RORA: variants seen among roughly 807,000 people sequenced by gnomAD.
RORA encodes the protein RAR related orphan receptor A.
A neutral mutation model predicts 69.5 loss-of-function variants in RORA; 7 were observed. The ratio of observed to expected loss-of-function variants is 0.10; its 90% CI spans 0.06 to 0.19. The LOEUF (loss-of-function observed/expected upper bound fraction) is 0.19. Among genes scored for constraint, RORA ranks in the 10% least tolerant of loss-of-function variants. The pLI is 1.00. For synonymous variants in RORA, 261 were observed against 240.8 expected (o/e 1.08, Z -0.78); for missense variants, 457 against 663.0 (o/e 0.69, Z 3.41).
At chr15:61,062,095 A>G (rs540042617) in intron 1 of RORA, among the ~76,000 whole-genome samples, 1 of 152,260 alleles carries the variant, frequency 6.6e-6, no homozygotes, top group East Asian at 1.9e-4. Flanking sequence ...TAGAAATACT[A>G]TAGGTAAAGA....
chr15:61,150,588 C>A (rs1259607484), intron 1 of RORA, among the ~76,000 whole-genome samples: 1 of 152,160 alleles, frequency 6.6e-6, no homozygotes, highest in African/African-American at 2.4e-5. Flanking sequence ...CAAAAAGGCT[C>A]TTGCTTATAT....
chr15:60,579,412 A>C (rs187106002), intron 2 of RORA, among the ~76,000 whole-genome samples: 1 of 152,178 alleles, frequency 6.6e-6, no homozygotes, highest in East Asian at 1.9e-4. Context: ...GGTTCACGTA[A>C]AGAAGATTTA....
intron 1 of RORA, among the ~76,000 whole-genome samples, chr15:61,137,103 A>AAAGAAAGAAAG (rs1567006753): frequency 1.4e-5 from 2 of 142,544 alleles, no homozygotes; most frequent in African/African-American, 2.6e-5. Flanking sequence ...AAGAAAGAAA[A>AAAGAAAGAAAG]AAGCAAGGGT....
intron 2 of RORA, among the ~76,000 whole-genome samples, chr15:60,660,789 T>C (rs1194046794): frequency 6.6e-6 from 1 of 152,158 alleles, no homozygotes; most frequent in Non-Finnish European, 1.5e-5. Flanking sequence ...AACCAAGCCC[T>C]ACATCTGGGC....
At chr15:60,700,665 T>C (rs2070969514) in intron 1 of RORA, among the ~76,000 whole-genome samples, 1 of 152,174 alleles carries the variant, frequency 6.6e-6, no homozygotes, top group Admixed American at 6.5e-5. Flanking sequence ...GGAAGTTACT[T>C]AATGAAGAAA....
intron 1 of RORA, among the ~76,000 whole-genome samples, chr15:60,843,136 A>G (rs969614868): frequency 1.3e-5 from 2 of 152,208 alleles, no homozygotes; most frequent in Non-Finnish European, 1.5e-5. Context: ...GTTCTGCTGC[A>G]AGGAAATGGA....
At chr15:60,610,018 G>A (rs372438806) in intron 2 of RORA, among the ~76,000 whole-genome samples, 6 of 152,132 alleles carry the variant, frequency 3.9e-5, no homozygotes, top group African/African-American at 9.7e-5. Flanking sequence ...CGAGAGAGCC[G>A]TTTGAAGCTG....
chr15:60,637,440 C>G (rs75619968), intron 2 of RORA, among the ~76,000 whole-genome samples: 1,618 of 152,032 alleles, frequency 0.011, 28 homozygotes, highest in African/African-American at 0.037. Flanking sequence ...TTATTTTTCT[C>G]TATATTTCAA....
At position 61,068,034 on chromosome 15, in the gene RORA, G is replaced by GA. The variant is rs1247513216; in HGVS notation, c.166+161018dup. 1.3e-4 allele frequency among the ~76,000 whole-genome samples: 20 copies of GA among 152,196 alleles called. 1 individual carries two copies. Among genetic ancestry groups the GA allele is most frequent in the African/African-American group, 4.8e-4 (20 of 41,440 alleles). The stretch of plus-strand genomic sequence containing the variant: ...TGATTATACCCAGCACTAGGTCTCT[G>GA]AACCAAAGCCATATTTTGGTCAAAA... On this transcript the variant is annotated intron_variant, in intron 1 of 10. Transcript: ENST00000335670.
At chr15:61,212,258 T>TA (rs59750504) in intron 1 of RORA, among the ~76,000 whole-genome samples, 129,667 of 149,028 alleles carry the variant, frequency 0.87, 57,356 homozygotes, top group Non-Finnish European at 0.97. Flanking sequence ...TTGTTTGTTT[T>TA]AAAAAAAAAA....
chr15:60,663,772 AT>A (rs1320174567), intron 2 of RORA, among the ~76,000 whole-genome samples: 2 of 152,198 alleles, frequency 1.3e-5, no homozygotes, highest in Non-Finnish European at 2.9e-5. Context: ...GAGAAATTTT[AT>A]AATGAGGCTT....
chr15:60,928,004 G>T (rs191446537), intron 1 of RORA, among the ~76,000 whole-genome samples: 3 of 152,090 alleles, frequency 2.0e-5, no homozygotes, highest in Non-Finnish European at 4.4e-5. Flanking sequence ...TGGGGCCCGT[G>T]CTTTCTCTTG....
intron 1 of RORA, among the ~76,000 whole-genome samples, chr15:60,978,549 C>A (rs1322478767): frequency 6.6e-6 from 1 of 151,988 alleles, no homozygotes; most frequent in African/African-American, 2.4e-5. Context: ...CAATTTTTTT[C>A]TTTTATTGCT....
chr15:60,835,087 G>A (rs1001307843), intron 1 of RORA, among the ~76,000 whole-genome samples: 2 of 152,112 alleles, frequency 1.3e-5, no homozygotes, highest in Admixed American at 6.5e-5. Context: ...CTACAAGACC[G>A]GGTAGCAGTG....
At chr15:60,740,743 C>G (rs7178108) in intron 1 of RORA, among the ~76,000 whole-genome samples, 3,710 of 152,266 alleles carry the variant, frequency 0.024, 168 homozygotes, top group African/African-American at 0.085. Flanking sequence ...TAGGTACATA[C>G]GCAGGACCAA....
intron 5 of RORA, among the ~76,000 whole-genome samples, chr15:60,506,832 C>T (rs1304248376): frequency 1.3e-5 from 2 of 151,650 alleles, no homozygotes; most frequent in African/African-American, 4.8e-5. Context: ...ACTGAAAATA[C>T]AAAAATTAGC....
At chr15:60,805,494 A>C (rs2072647868) in intron 1 of RORA, among the ~76,000 whole-genome samples, 1 of 152,244 alleles carries the variant, frequency 6.6e-6, no homozygotes, top group Non-Finnish European at 1.5e-5. Context: ...CGGATGTGCA[A>C]CCTTGGGAAA....
chr15:60,830,889 ATATTT>A (rs1567206278), intron 1 of RORA, among the ~76,000 whole-genome samples: 1 of 152,250 alleles, frequency 6.6e-6, no homozygotes, highest in Non-Finnish European at 1.5e-5. Flanking sequence ...TGGAACAGAA[ATATTT>A]TAGTTCTCTA....
rs527811440 is a variant in RORA, at chr15:61,189,231, C to T, written c.166+39822G>A. On this transcript the variant is annotated intron_variant, in intron 1 of 10. Transcript: ENST00000335670. ...AACGCATTTTTACATTCATGATAGA[C>T]ATTATAAAAGATTTAAAAATGAACA... Among the ~76,000 whole-genome samples, 33 of 152,282 alleles carry T rather than the reference C, an allele frequency of 2.2e-4. 1 individual carries two copies. The South Asian group carries it at 6.4e-3, about 30-fold the overall frequency.
Sources: gnomAD v4.1 joint callset for allele counts (sites outside exome capture counted in the v4.1 genomes callset) on GRCh38, gnomAD v4.1.1 for gene constraint, MANE v1.5 for transcripts, NCBI Gene and HGNC (gene_info 2026-07-23, HGNC 2026-07-21) for gene names.